COL1A1: variants seen among roughly 807,000 people sequenced by gnomAD.
The protein encoded by COL1A1 is collagen type I alpha 1 chain, also known as collagen alpha-1(I) chain.
A neutral mutation model predicts 195.7 loss-of-function variants in COL1A1; 21 were observed. The ratio of observed to expected loss-of-function variants is 0.11; its 90% confidence interval spans 0.08 to 0.15. The LOEUF is 0.15. COL1A1 is among the 10% of genes least tolerant of loss of function. COL1A1 has a pLI of 1.00. For synonymous variants in COL1A1, 749 were observed against 747.3 expected (o/e 1.00, Z -0.04); for missense variants, 1,365 against 2,051.0 (o/e 0.67, Z 6.46).
In COL1A1 at chr17:50,190,675, CT is replaced by C; in HGVS notation, c.2344-80del. The C allele has an allele frequency of 6.5e-7, 1 of 1,544,684 alleles. No individual in the cohort carries two copies. Among genetic ancestry groups the C allele is most frequent in the Non-Finnish European group, 8.9e-7 (1 of 1,123,326 alleles). ...GTAGATGACCCCAGGAGAGCCTCCC[CT>C]CCTTCTGGTCCCTCCAGGTTCCCAG... On this transcript the variant is annotated intron_variant, in intron 33 of 50. Coordinates refer to ENST00000225964, the MANE Select transcript of COL1A1 (RefSeq NM_000088.4). This position sits in a 1 kb window ranked among gnomAD's most constrained non-coding sequence, Gnocchi z 4.7.
chr17:50,199,918 G>C lies in COL1A1; in HGVS notation c.133C>G (p.Leu45Val), dbSNP rs546629502. ...CACACGTCTCGGTCATGGTACCTGA[G>C]GCCGTTCTGTACGCAGGTGATTGGT... Reference protein sequence around the residue: ...IPPITCVQNGLRYHDRDVWKP... With the variant: ...IPPITCVQNGVRYHDRDVWKP... Residue 45 changes from leucine to valine, a missense_variant, in exon 2 of 51, where the codon CTC becomes GTC. Leu to Val is a conservative substitution (Grantham distance 32, BLOSUM62 1). Coordinates refer to ENST00000225964, the MANE Select transcript of COL1A1 (RefSeq NM_000088.4). The C allele has an allele frequency of 5.6e-5, 90 of 1,614,210 alleles. 1 individual carries two copies. The Middle Eastern group carries it at 1.2e-3, about 21-fold the overall frequency.
At chr17:50,187,631 C>G (rs1906667770) in intron 45 of COL1A1, 94 bp from the exon 46 acceptor site, 3 of 1,299,824 alleles carry the variant, frequency 2.3e-6, no homozygotes, top group Non-Finnish European at 3.3e-6. Flanking sequence ...GTGGGCAACC[C>G]ATGCCCCTTC....
chr17:50,197,823 G>A (rs753376785), intron 8 of COL1A1, 38 bp from the exon 9 acceptor site: 2 of 1,605,070 alleles, frequency 1.2e-6, no homozygotes, highest in Non-Finnish European at 1.7e-6. Flanking sequence ...ATATGGATAA[G>A]AAAAAAAGAA....
rs961771601 is a variant in COL1A1 at position 50,195,204 on chromosome 17, T to G, written c.1299+28A>C. Reference sequence around the variant, plus strand: ...GCCGCACTGGAGCCAGTGCATGGGGTGGGCAGAAGGGAGAGTTTGGTACTC... The same window carrying G: ...GCCGCACTGGAGCCAGTGCATGGGGGGGGCAGAAGGGAGAGTTTGGTACTC... On this transcript the variant is annotated intron_variant, in intron 19 of 50. Coordinates refer to ENST00000225964, the MANE Select transcript of COL1A1 (RefSeq NM_000088.4). The surrounding 1 kb of genome is among the most constrained non-coding windows in gnomAD (Gnocchi z 4.3). 1.9e-6 allele frequency: 3 copies of G among 1,609,276 alleles called. No individual in the cohort carries two copies. Among genetic ancestry groups the G allele is most frequent in the Non-Finnish European group, 2.6e-6 (3 of 1,176,456 alleles).
Position 50,185,397 on chromosome 17 carries a change from C to A in COL1A1, c.*105G>T. On this transcript the variant is annotated 3_prime_UTR_variant, in exon 51 of 51. Coordinates refer to ENST00000225964, the MANE Select transcript of COL1A1 (RefSeq NM_000088.4). ...TCCAAAGTCCATGTGAAATTGTCTCCCATTTTTTGGCTTTTGAGGGGGTTC... is the reference window on the plus strand; with the variant it reads ...TCCAAAGTCCATGTGAAATTGTCTCACATTTTTTGGCTTTTGAGGGGGTTC... 1 of 1,255,000 alleles carries A rather than the reference C, an allele frequency of 8.0e-7. No homozygotes were observed. Among genetic ancestry groups the A allele is most frequent in the South Asian group, 1.2e-5 (1 of 82,988 alleles). 77.7% of individuals were successfully genotyped at this position (1,255,000 alleles called of 1,614,324 possible).
rs1906471089 is a variant in COL1A1 at position 50,185,932 on chromosome 17, T to G, written c.4094A>C (p.Asn1365Thr). Residue 1365 changes from asparagine to threonine, a missense_variant, in exon 50 of 51, where the codon AAC becomes ACC. By Grantham distance (65) the Asn-to-Thr change is moderately conservative. Around this residue, in one of 5 missense-constraint regions of COL1A1, gnomAD observed 273 missense variants for 338.6 expected, o/e 0.81. Coordinates refer to ENST00000225964, the MANE Select transcript of COL1A1 (RefSeq NM_000088.4). ...LRLMSTEASQ[N>T]ITYHCKNSVA... is the part of the protein sequence containing the mutation. ...GCTGTTCTTGCAGTGGTAGGTGATG[T>G]TCTGGGAGGCCTCGGTGGACATCAG... The G allele has an allele frequency of 6.2e-7, 1 of 1,613,938 alleles. No individual in the cohort carries two copies. Among genetic ancestry groups the G allele is most frequent in the Admixed American group, 1.7e-5 (1 of 60,002 alleles).
chr17:50,195,824 G>C lies in COL1A1; in HGVS notation c.1056+99C>G. On this transcript the variant is annotated intron_variant, in intron 16 of 50. Transcript: ENST00000225964. This position sits in a 1 kb window ranked among gnomAD's most constrained non-coding sequence, Gnocchi z 4.3. ...GGACAAAGGTGTTAGTGAACGGGCT[G>C]CTCTCTTGCCACTCTGGGTCCCTTT... is the stretch of plus-strand genomic sequence containing the variant. The C allele has an allele frequency of 7.0e-7, 1 of 1,438,630 alleles. No individual in the cohort carries two copies. The highest frequency in any genetic ancestry group is 9.6e-7 in the Non-Finnish European group (1 of 1,044,550). 89.1% of individuals were successfully genotyped at this position (1,438,630 alleles called of 1,614,324 possible).
rs184720839 is a variant in COL1A1 at position 50,186,060 on chromosome 17, C to A, written c.4006-40G>T. 1 of 1,607,376 alleles carries A rather than the reference C, an allele frequency of 6.2e-7. No homozygotes were observed. ...AGAGAGGGAAGAGTGAGCCGCTATG[C>A]GGGAACCTCTAGTCCTGCCTGGCCT... On this transcript the variant is annotated intron_variant, in intron 49 of 50. Transcript: ENST00000225964. This position sits in a 1 kb window ranked among gnomAD's most constrained non-coding sequence, Gnocchi z 5.3.
In COL1A1 at chr17:50,190,827, G is replaced by A. The variant is rs1181679779; in HGVS notation, c.2333C>T (p.Pro778Leu). 23 of 1,613,572 alleles carry A rather than the reference G, an allele frequency of 1.4e-5. No individual in the cohort carries two copies. Among genetic ancestry groups the A allele is most frequent in the Non-Finnish European group, 1.8e-5 (21 of 1,179,644 alleles). The change falls in exon 33 of 51, where the codon CCT (proline) becomes CTT (leucine). Residue 778 changes from proline (P) to leucine (L), a missense_variant. Transcript: ENST00000225964. The surrounding 1 kb of genome is among the most constrained non-coding windows in gnomAD (Gnocchi z 4.7). ...AGGCGGCCACCTCACCTTGTCACCA[G>A]GGGCACCAGCAGGGCCAGGAGGACC... ...PIGPPGPAGAPGDKGESGPSG... is the reference protein window; with the variant it reads ...PIGPPGPAGALGDKGESGPSG...
At chr17:50,191,295 C>T in intron 32 of COL1A1, 88 bp downstream of exon 32, 1 of 1,241,874 alleles carries the variant, frequency 8.1e-7, no homozygotes, top group Non-Finnish European at 1.2e-6. Flanking sequence ...GGGACAGATC[C>T]CAGAGAGAAG....
intron 11 of COL1A1, 86 bp from the exon 12 acceptor site, chr17:50,196,756 G>A: frequency 6.9e-7 from 1 of 1,456,472 alleles, no homozygotes; most frequent in Non-Finnish European, 9.6e-7. Context: ...AAAGAGCCTT[G>A]GGAGGTCATC....
chr17:50,191,726 G>A, intron 31 of COL1A1, 62 bp downstream of exon 31: 1 of 1,519,012 alleles, frequency 6.6e-7, no homozygotes, highest in East Asian at 2.4e-5. Context: ...ATCCCCTGCT[G>A]CAGGAGGGGT....
intron 25 of COL1A1, chr17:50,193,456 T>C (rs1907276041): frequency 3.5e-6 from 1 of 284,298 alleles, no homozygotes; most frequent in Non-Finnish European, 6.6e-6. Context: ...CCTGGAGAAG[T>C]GTTTCATTTT....
At chr17:50,192,970 T>C in intron 26 of COL1A1, 24 bp downstream of exon 26, 2 of 1,611,734 alleles carry the variant, frequency 1.2e-6, no homozygotes, top group Non-Finnish European at 1.7e-6. Flanking sequence ...GGGAAGGAGG[T>C]AGGGATGGAA....
Position 50,186,532 on chromosome 17 carries a change from A to G in COL1A1, c.3815-25T>C. On this transcript the variant is annotated intron_variant, in intron 48 of 50. Coordinates refer to ENST00000225964, the MANE Select transcript of COL1A1 (RefSeq NM_000088.4). This position sits in a 1 kb window ranked among gnomAD's most constrained non-coding sequence, Gnocchi z 5.3. ...CCTGTGGTAGGGCAGGGCAAGATGGAGTCAGGGAAAGGGAGCAGCCAGCAC... is the reference window on the plus strand; with the variant it reads ...CCTGTGGTAGGGCAGGGCAAGATGGGGTCAGGGAAAGGGAGCAGCCAGCAC... 6.2e-7 allele frequency: 1 copy of G among 1,613,952 alleles called. No individual in the cohort carries two copies. Among genetic ancestry groups the G allele is most frequent in the Non-Finnish European group, 8.5e-7 (1 of 1,179,920 alleles).
chr17:50,191,513 G>A (rs1907076276), intron 31 of COL1A1, 23 bp from the exon 32 acceptor site: 1 of 1,610,150 alleles, frequency 6.2e-7, no homozygotes, highest in African/African-American at 1.3e-5. Flanking sequence ...CAAGAAGACT[G>A]GAGTGAGGCC....
intron 11 of COL1A1, 59 bp from the exon 12 acceptor site, chr17:50,196,729 A>C: frequency 6.4e-7 from 1 of 1,557,592 alleles, no homozygotes; most frequent in East Asian, 2.2e-5. Context: ...CAGCCTTGAC[A>C]TCCACCTAGA....
chr17:50,191,510 A>G lies in COL1A1; in HGVS notation c.2128-20T>C, dbSNP rs949452888. On this transcript the variant is annotated intron_variant, in intron 31 of 50. Coordinates refer to ENST00000225964, the MANE Select transcript of COL1A1 (RefSeq NM_000088.4). ...ATCACCCTATGTGACAACCAAGAAG[A>G]CTGGAGTGAGGCCTGGGGCCCCAAG... is the stretch of plus-strand genomic sequence containing the variant. The G allele has an allele frequency of 1.2e-6, 2 of 1,611,788 alleles. No individual in the cohort carries two copies. Among genetic ancestry groups the G allele is most frequent in the Non-Finnish European group, 1.7e-6 (2 of 1,178,126 alleles).
Position 50,190,962 on chromosome 17 carries a change from G to T in COL1A1, c.2236-38C>A, listed in dbSNP as rs368826593. ...ATAAGCTTGAGATTTCCAGTGTGGGGCAAGGAGGTGACCTATAGTGTTCTG... is the reference window on the plus strand; with the variant it reads ...ATAAGCTTGAGATTTCCAGTGTGGGTCAAGGAGGTGACCTATAGTGTTCTG... On this transcript the variant is annotated intron_variant, in intron 32 of 50. Coordinates refer to ENST00000225964, the MANE Select transcript of COL1A1 (RefSeq NM_000088.4). The surrounding 1 kb of genome is among the most constrained non-coding windows in gnomAD (Gnocchi z 4.7). 2.0e-4 allele frequency: 311 copies of T among 1,585,404 alleles called. 1 individual carries two copies. Among genetic ancestry groups the T allele is most frequent in the Non-Finnish European group, 2.6e-4 (302 of 1,154,588 alleles).
Sources: allele counts gnomAD v4.1 joint callset, GRCh38; gene constraint gnomAD v4.1.1; regional missense constraint gnomAD v4.1.1; non-coding constraint Gnocchi (gnomAD v3.1); transcripts MANE v1.5; gene names NCBI Gene and HGNC (gene_info 2026-07-23, HGNC 2026-07-21).